Variants in NR3C2 observed in about 807,000 individuals in gnomAD.
NR3C2 encodes the protein nuclear receptor subfamily 3 group C member 2.
In NR3C2, 15 loss-of-function variants were observed where a neutral mutation model predicts 86.4. That is an observed-to-expected ratio of 0.17 (90% CI 0.12 to 0.27). NR3C2 has a LOEUF of 0.27. Ranked by LOEUF, NR3C2 falls within the 10% of genes least tolerant of loss-of-function variation. NR3C2 has a pLI of 1.00. For synonymous variants in NR3C2, 458 were observed against 450.5 expected (o/e 1.02, Z -0.21); for missense variants, 960 against 1,195.6 (o/e 0.80, Z 2.91).
intron 2 of NR3C2, among the ~76,000 whole-genome samples, chr4:148,336,793 GT>G (rs1423762413): frequency 1.3e-5 from 2 of 152,038 alleles, no homozygotes; most frequent in Admixed American, 1.3e-4. Flanking sequence ...GTTTTGATTT[GT>G]TTTTTTCTTT....
At position 148,104,220 on chromosome 4, in the gene NR3C2, C is replaced by A. The variant is rs1347457361; in HGVS notation, c.2799+9884G>T. Among the ~76,000 whole-genome samples, 3 of 152,098 alleles carry A rather than the reference C, an allele frequency of 2.0e-5. No homozygotes were observed. In the East Asian group the frequency reaches 5.8e-4, roughly 29 times the overall value. ...TAAGCCCTTAGCAATTGTTCCATTACCCACTAGGCAATGAGTAAGATCTCC... is the reference window on the plus strand; with the variant it reads ...TAAGCCCTTAGCAATTGTTCCATTAACCACTAGGCAATGAGTAAGATCTCC... On this transcript the variant is annotated intron_variant, in intron 8 of 8. Transcript: ENST00000358102.
intron 6 of NR3C2, among the ~76,000 whole-genome samples, chr4:148,135,838 C>T (rs1367131948): frequency 2.0e-5 from 3 of 151,562 alleles, no homozygotes; most frequent in African/African-American, 4.8e-5. Context: ...GGGCGGATCA[C>T]GAGGTCAGGA....
At chr4:148,346,049 T>C (rs763285584) in intron 2 of NR3C2, among the ~76,000 whole-genome samples, 41 of 151,828 alleles carry the variant, frequency 2.7e-4, no homozygotes, top group African/African-American at 6.0e-4. Context: ...AGGCAGACAA[T>C]AGTGAGAGTG....
At chr4:148,093,439 A>G (rs1429641793) in intron 8 of NR3C2, among the ~76,000 whole-genome samples, 1 of 152,210 alleles carries the variant, frequency 6.6e-6, no homozygotes, top group Admixed American at 6.5e-5. Context: ...CAGCCTCTCT[A>G]AAGTAGGTCC....
At chr4:148,440,628 ACACAAAAAAAAATT>A (rs1161879327) in intron 1 of NR3C2, among the ~76,000 whole-genome samples, 7 of 152,262 alleles carry the variant, frequency 4.6e-5, no homozygotes, top group Admixed American at 4.6e-4. Context: ...TCGCCCCAAA[ACACAAAAAAAAATT>A]CACTAAAGGA....
At chr4:148,238,841 G>A (rs1193622822) in intron 3 of NR3C2, among the ~76,000 whole-genome samples, 1 of 152,178 alleles carries the variant, frequency 6.6e-6, no homozygotes, top group Non-Finnish European at 1.5e-5. Context: ...CTAAGATAGG[G>A]CAAATTCAGG....
At chr4:148,317,696 A>G (rs1222894184) in intron 2 of NR3C2, among the ~76,000 whole-genome samples, 4 of 152,176 alleles carry the variant, frequency 2.6e-5, no homozygotes, top group Admixed American at 2.0e-4. Flanking sequence ...TGTAGGCATT[A>G]TTTTAAATAT....
chr4:148,430,344 C>A (rs72645615), intron 2 of NR3C2, among the ~76,000 whole-genome samples: 2 of 151,968 alleles, frequency 1.3e-5, no homozygotes, highest in African/African-American at 4.8e-5. Flanking sequence ...TATAAACCTA[C>A]GATATTTGTG....
chr4:148,390,204 G>A (rs199663540), intron 2 of NR3C2, among the ~76,000 whole-genome samples: 8 of 145,632 alleles, frequency 5.5e-5, no homozygotes, highest in East Asian at 4.0e-4. Flanking sequence ...AAAAGTCTGC[G>A]GGAAATATGA....
chr4:148,158,185 G>T (rs1156663377), intron 4 of NR3C2, among the ~76,000 whole-genome samples: 2 of 152,184 alleles, frequency 1.3e-5, no homozygotes, highest in Non-Finnish European at 2.9e-5. Flanking sequence ...TAGTAACCCA[G>T]ATACTTCCGA....
intron 2 of NR3C2, among the ~76,000 whole-genome samples, chr4:148,410,749 G>A (rs1374082243): frequency 6.6e-6 from 1 of 152,090 alleles, no homozygotes; most frequent in East Asian, 1.9e-4. Flanking sequence ...TCCAAGCAGT[G>A]AGTATTTGTA....
chr4:148,225,622 A>C (rs900996320), intron 3 of NR3C2, among the ~76,000 whole-genome samples: 1 of 152,200 alleles, frequency 6.6e-6, no homozygotes, highest in Non-Finnish European at 1.5e-5. Flanking sequence ...AATTTGAATA[A>C]TTTTGAAATA....
At chr4:148,216,851 A>G (rs1250371626) in intron 3 of NR3C2, among the ~76,000 whole-genome samples, 1 of 152,170 alleles carries the variant, frequency 6.6e-6, no homozygotes, top group Non-Finnish European at 1.5e-5. Flanking sequence ...GCTCATGATC[A>G]CAACCAGAGG....
At chr4:148,160,223 C>T (rs569171026) in intron 4 of NR3C2, among the ~76,000 whole-genome samples, 15 of 152,194 alleles carry the variant, frequency 9.9e-5, no homozygotes, top group East Asian at 3.9e-4. Context: ...AATTGTTCCC[C>T]GAGGAACTGG....
intron 3 of NR3C2, among the ~76,000 whole-genome samples, chr4:148,244,196 C>A (rs1018079456): frequency 7.9e-5 from 12 of 152,122 alleles, no homozygotes; most frequent in African/African-American, 2.9e-4. Context: ...GTAAACAGTG[C>A]GCCCTTTATC....
intron 4 of NR3C2, among the ~76,000 whole-genome samples, chr4:148,173,076 T>C (rs934301964): frequency 2.0e-5 from 3 of 152,182 alleles, no homozygotes; most frequent in African/African-American, 7.2e-5. Context: ...AGAACTGTGT[T>C]GACAAAGGCA....
chr4:148,442,994 C>G, upstream of NR3C2: 1 of 985,256 alleles, frequency 1.0e-6, no homozygotes, highest in Non-Finnish European at 1.2e-6. Flanking sequence ...CGCCGCCCAA[C>G]AGCGTCCGCG....
intron 2 of NR3C2, among the ~76,000 whole-genome samples, chr4:148,264,382 C>A (rs536537753): frequency 6.6e-6 from 1 of 152,326 alleles, no homozygotes; most frequent in East Asian, 1.9e-4. Flanking sequence ...GGAGGCAGAT[C>A]TTGAACTCAC....
At chr4:148,319,487 T>C (rs1314006610) in intron 2 of NR3C2, among the ~76,000 whole-genome samples, 1 of 150,958 alleles carries the variant, frequency 6.6e-6, no homozygotes, top group African/African-American at 2.4e-5. Flanking sequence ...ATTTTCACGA[T>C]ATTGATTCTT....
Sources: gnomAD v4.1 joint callset for allele counts (sites outside exome capture counted in the v4.1 genomes callset) on GRCh38, gnomAD v4.1.1 for gene constraint, MANE v1.5 for transcripts, NCBI Gene and HGNC (gene_info 2026-07-23, HGNC 2026-07-21) for gene names.